Variants in TM2D2 observed in about 807,000 individuals in gnomAD.
The protein encoded by TM2D2 is TM2 domain-containing protein 2.
In TM2D2, 19 loss-of-function variants were observed where a neutral mutation model predicts 23.0. The ratio of observed to expected loss-of-function variants is 0.82; its 90% CI spans 0.58 to 1.21. The LOEUF is 1.21. Among genes scored for constraint, TM2D2 ranks in the 50% most tolerant of loss-of-function variants. The pLI is 0.00. For synonymous variants in TM2D2, 120 were observed against 108.8 expected (o/e 1.10, Z -0.64); for missense variants, 246 against 265.4 (o/e 0.93, Z 0.51).
chr8:38,990,495 G>C lies in TM2D2; in HGVS notation c.*837C>G, dbSNP rs1012443055. 3.9e-5 allele frequency: 6 copies of C among 152,226 alleles called. No homozygotes were observed. Among genetic ancestry groups the C allele is most frequent in the Non-Finnish European group, 7.3e-5 (5 of 68,044 alleles). The allele number at this position is 152,226 out of a possible 1,614,324, so 9.4% of individuals were successfully genotyped here. On this transcript the variant is annotated 3_prime_UTR_variant, in exon 4 of 4. Transcript: ENST00000456397. ...TTCTGACTGCTGCAGCCCACAGGGA[G>C]AGCTAATCATGAAGAATAGTTTTAC...
intron 1 of TM2D2, 76 bp downstream of exon 1, chr8:38,996,137 A>G: frequency 4.6e-6 from 7 of 1,509,110 alleles, no homozygotes; most frequent in Non-Finnish European, 6.3e-6. Flanking sequence ...CGTCCCCCCA[A>G]CCCTGCCTTC....
intron 3 of TM2D2, 92 bp from the exon 4 acceptor site, chr8:38,991,637 G>T: frequency 1.1e-6 from 1 of 938,112 alleles, no homozygotes; most frequent in South Asian, 1.5e-5. Context: ...ATGAGACAGT[G>T]CAGTGGACCC....
chr8:38,995,580 G>T, intron 1 of TM2D2, 175 bp from the exon 2 acceptor site: 1 of 1,484,152 alleles, frequency 6.7e-7, no homozygotes, highest in Non-Finnish European at 8.9e-7. Flanking sequence ...AGGTCAAACG[G>T]ACAGCCACCA....
rs1045114822 is a variant in TM2D2, at chr8:38,990,368, A to G, written c.*964T>C. On this transcript the variant is annotated 3_prime_UTR_variant, in exon 4 of 4. Transcript: ENST00000456397. The stretch of plus-strand genomic sequence containing the variant: ...ATATTTAATAGTTCTTTCAACTTAG[A>G]TTGCAAACGATGAGAACTGAGTTTT... The G allele has an allele frequency of 6.6e-6, 1 of 152,208 alleles. No homozygotes were observed. Among genetic ancestry groups the G allele is most frequent in the African/African-American group, 2.4e-5 (1 of 41,446 alleles). 9.4% of individuals were successfully genotyped at this position (152,208 alleles called of 1,614,324 possible).
At position 38,991,398 on chromosome 8, in the gene TM2D2, G is replaced by A. The variant is rs140076526; in HGVS notation, c.579C>T (p.Asp193=). The A allele has an allele frequency of 1.2e-5, 19 of 1,613,968 alleles. No homozygotes were observed. In the African/African-American group the frequency reaches 2.1e-4, roughly 18 times the overall value. The change falls in exon 4 of 4, where the codon GAC becomes GAT. Residue 193 remains aspartate (D), a synonymous_variant. Coordinates refer to ENST00000456397, the MANE Select transcript of TM2D2 (RefSeq NM_078473.3). Reference sequence around the variant, plus strand: ...GCCCTCCAGTAATTAGCAAAATAAGGTCAACAAACCACCAAATCCCAAGTC... The same window carrying A: ...GCCCTCCAGTAATTAGCAAAATAAGATCAACAAACCACCAAATCCCAAGTC... ...LGGLGIWWFV[D]LILLITGGLM...
chr8:38,996,824 C>G (rs1044731064), upstream of TM2D2: 10 of 1,439,306 alleles, frequency 6.9e-6, no homozygotes, highest in African/African-American at 8.6e-5. Flanking sequence ...TTTAGAAATC[C>G]TATTCTCGCG....
At chr8:38,996,740 TG>T (rs1435367620), upstream of TM2D2, 58 of 1,419,056 alleles carry the variant, frequency 4.1e-5, no homozygotes, top group Non-Finnish European at 5.3e-5. Context: ...CCCCCCTAGG[TG>T]GGCGTGCCCG....
chr8:38,996,977 T>A (rs777474015), upstream of TM2D2: 2 of 1,522,210 alleles, frequency 1.3e-6, no homozygotes, highest in South Asian at 1.2e-5. Context: ...CCGGCCAGAC[T>A]TGGGGCCCCG....
rs532280741 is a variant in TM2D2, at chr8:38,989,217, GA to G, written c.*2114del. 1.4e-3 allele frequency: 206 copies of G among 152,366 alleles called. No individual in the cohort carries two copies. Among genetic ancestry groups the G allele is most frequent in the African/African-American group, 4.8e-3 (198 of 41,586 alleles). 9.4% of individuals were successfully genotyped at this position (152,366 alleles called of 1,614,324 possible). On this transcript the variant is annotated 3_prime_UTR_variant, in exon 4 of 4. Transcript: ENST00000456397. ...TCTCCAGCAGCTTTACTGACAGTAAGAAGGGCATCTTCAGTAGTTTCTAGTC... is the reference window on the plus strand; with the variant it reads ...TCTCCAGCAGCTTTACTGACAGTAAGAGGGCATCTTCAGTAGTTTCTAGTC...
rs368707423 is a variant in TM2D2 at position 38,995,475 on chromosome 8, A to C, written c.228-70T>G. ...GCAAATCGCTGTTTGCATGCACGTA[A>C]TCAAAACGGGCAAAAGACATTTCTT... is the stretch of plus-strand genomic sequence containing the variant. On this transcript the variant is annotated intron_variant, in intron 1 of 3. Coordinates refer to ENST00000456397, the MANE Select transcript of TM2D2 (RefSeq NM_078473.3). 43 of 1,594,310 alleles carry C rather than the reference A, an allele frequency of 2.7e-5. 1 individual carries two copies. Among genetic ancestry groups the C allele is most frequent in the Non-Finnish European group, 3.4e-5 (40 of 1,172,992 alleles).
chr8:38,989,710 T>A lies in TM2D2; in HGVS notation c.*1622A>T, dbSNP rs1050864768. ...AGTGTGAAATGAGGCAGGACTTGGT[T>A]AGGTGAAAAGTAGCATCTTATTTTG... is the stretch of plus-strand genomic sequence containing the variant. On this transcript the variant is annotated 3_prime_UTR_variant, in exon 4 of 4. Coordinates refer to ENST00000456397, the MANE Select transcript of TM2D2 (RefSeq NM_078473.3). The A allele has an allele frequency of 6.6e-6, 1 of 152,228 alleles. No individual in the cohort carries two copies. The highest frequency in any genetic ancestry group is 1.9e-4 in the East Asian group (1 of 5,204). 9.4% of individuals were successfully genotyped at this position (152,228 alleles called of 1,614,324 possible). A position where few individuals can be genotyped will look rare whatever the true frequency, so the allele number is the denominator to read the frequency against.
rs1276277464 is a variant in TM2D2 at position 38,995,670 on chromosome 8, C to G, written c.228-265G>C. The G allele has an allele frequency of 3.7e-6, 5 of 1,342,304 alleles. No individual in the cohort carries two copies. The African/African-American group carries it at 4.6e-5, about 12-fold the overall frequency. The allele number at this position is 1,342,304 out of a possible 1,614,324, so 83.1% of individuals were successfully genotyped here. A position where few individuals can be genotyped will look rare whatever the true frequency, so the allele number is the denominator to read the frequency against. On this transcript the variant is annotated intron_variant, in intron 1 of 3. Coordinates refer to ENST00000456397, the MANE Select transcript of TM2D2 (RefSeq NM_078473.3). ...TTCTACTTCTGCCATGGTTTCATCT[C>G]TTCAGTAGGCAAACAACAAGATTCT... is the stretch of plus-strand genomic sequence containing the variant.
In TM2D2 at chr8:38,996,401, C is replaced by T. The variant is rs1310542260; in HGVS notation, c.39G>A (p.Leu13=). 1.2e-6 allele frequency: 2 copies of T among 1,614,114 alleles called. No individual in the cohort carries two copies. The highest frequency in any genetic ancestry group is 2.7e-5 in the African/African-American group (2 of 74,946). The change falls in exon 1 of 4, where the codon CTG becomes CTA. Residue 13 remains leucine (L), a synonymous_variant. Transcript: ENST00000456397. ...CCAGCAGCAAAGCCGCCTGGCCGCACAGAAGTAAGTAACTAACCGGGCAAC... is the reference window on the plus strand; with the variant it reads ...CCAGCAGCAAAGCCGCCTGGCCGCATAGAAGTAAGTAACTAACCGGGCAAC... The part of the protein sequence containing the change: ...LGGCPVSYLL[L]CGQAALLLGN...
chr8:38,995,432 C>T (rs1835734533), intron 1 of TM2D2, 27 bp from the exon 2 acceptor site: 1 of 1,611,370 alleles, frequency 6.2e-7, no homozygotes, highest in African/African-American at 1.3e-5. Context: ...AGATCATGAT[C>T]ATCATCATAC....
At chr8:38,993,462 CA>C (rs1835662167) in intron 3 of TM2D2, 82 bp downstream of exon 3, 23 of 1,054,210 alleles carry the variant, frequency 2.2e-5, no homozygotes, top group Non-Finnish European at 3.1e-5. Context: ...TCTCTTAAAA[CA>C]AAAAATAAAT....
Position 38,996,501 on chromosome 8 carries a change from C to T in TM2D2, c.-62G>A. ...ACAACCCCAGGCCAGCAGCACAGAC[C>T]CAAGAACTGCGTGGTCAGGCCTTTC... is the stretch of plus-strand genomic sequence containing the variant. On this transcript the variant is annotated 5_prime_UTR_variant, in exon 1 of 4. Transcript: ENST00000456397. The T allele has an allele frequency of 1.3e-6, 2 of 1,596,098 alleles. No individual in the cohort carries two copies. Among genetic ancestry groups the T allele is most frequent in the South Asian group, 1.1e-5 (1 of 90,022 alleles).
intron 2 of TM2D2, 90 bp from the exon 3 acceptor site, chr8:38,993,750 C>T (rs1238135210): frequency 2.1e-5 from 20 of 930,392 alleles, no homozygotes; most frequent in Admixed American, 1.1e-4. Context: ...AGAATGAAAG[C>T]GGCCTCAGGA....
intron 2 of TM2D2, among the ~76,000 whole-genome samples, chr8:38,994,900 A>T (rs533209513): frequency 6.6e-6 from 1 of 152,342 alleles, no homozygotes; most frequent in Admixed American, 6.5e-5. Flanking sequence ...CCTGGAGAAA[A>T]GAAATGTCAT....
At chr8:38,993,517 C>A in intron 3 of TM2D2, 28 bp downstream of exon 3, 1 of 1,541,684 alleles carries the variant, frequency 6.5e-7, no homozygotes, top group South Asian at 1.1e-5. Flanking sequence ...AACCAAGTAC[C>A]AACTACTCCA....
Sources: gnomAD v4.1 joint callset for allele counts (sites outside exome capture counted in the v4.1 genomes callset) on GRCh38, gnomAD v4.1.1 for gene constraint, MANE v1.5 for transcripts, NCBI Gene and HGNC (gene_info 2026-07-23, HGNC 2026-07-21) for gene names.